The following CLASP1 variants were observed in gnomAD, a reference collection of about 807,000 sequenced individuals.
CLASP1 encodes the protein cytoplasmic linker associated protein 1.
CLASP1 carries 38 observed loss-of-function variants against 192.3 expected under a neutral mutation model. The ratio of observed to expected loss-of-function variants is 0.20; its 90% confidence interval spans 0.15 to 0.26. The LOEUF (loss-of-function observed/expected upper bound fraction) is 0.26, where lower values mean the gene tolerates loss of function less well. Among genes scored for constraint, CLASP1 ranks in the 10% least tolerant of loss-of-function variants. The pLI is 1.00. For synonymous variants in CLASP1, 691 were observed against 712.8 expected (o/e 0.97, Z 0.49); for missense variants, 1,433 against 1,932.5 (o/e 0.74, Z 4.85).
rs115937118 is a variant in CLASP1 at position 121,512,832 on chromosome 2, G to A, written c.644+2833C>T. Among the ~76,000 whole-genome samples the A allele has an allele frequency of 7.7e-4, 117 of 152,264 alleles. 2 individuals carry two copies. The highest frequency in any genetic ancestry group is 2.6e-3 in the African/African-American group (108 of 41,544). ...GTATTTCTTAGAGATATAATTAATCGTATTCTTCTCAACATACTCTCTTGG... is the reference window on the plus strand; with the variant it reads ...GTATTTCTTAGAGATATAATTAATCATATTCTTCTCAACATACTCTCTTGG... On this transcript the variant is annotated intron_variant, in intron 7 of 39. Coordinates refer to ENST00000263710, the Ensembl canonical transcript of CLASP1.
chr2:121,589,277 TAGAATCAAATGG>T lies in CLASP1; in HGVS notation c.195+16412_195+16423del, dbSNP rs1432268018. Among the ~76,000 whole-genome samples, 7 of 152,328 alleles carry T rather than the reference TAGAATCAAATGG, an allele frequency of 4.6e-5. No individual in the cohort carries two copies. The East Asian group carries it at 9.6e-4, about 21-fold the overall frequency. On this transcript the variant is annotated intron_variant, in intron 2 of 39. Coordinates refer to ENST00000263710, the Ensembl canonical transcript of CLASP1. ...TTGAAAAACATTCTTTAGTTTAGGC[TAGAATCAAATGG>T]AGAATCAAATAAGATCACACACTTA...
chr2:121,490,430 C>A, intron 8 of CLASP1: 2 of 266,678 alleles, frequency 7.5e-6, no homozygotes, highest in Non-Finnish European at 1.5e-5. Context: ...CACCCTATTC[C>A]AAAATAAAAG....
chr2:121,626,215 G>A (rs2068338809), intron 1 of CLASP1, among the ~76,000 whole-genome samples: 1 of 151,538 alleles, frequency 6.6e-6, no homozygotes, highest in Admixed American at 6.6e-5. Context: ...TGAAAAAAAA[G>A]AAAACTCTAT....
At chr2:121,625,928 G>A (rs1286890753) in intron 1 of CLASP1, among the ~76,000 whole-genome samples, 3 of 151,638 alleles carry the variant, frequency 2.0e-5, no homozygotes, top group South Asian at 2.1e-4. Flanking sequence ...GTGAAACCTC[G>A]TCTCTACTAA....
intron 1 of CLASP1, among the ~76,000 whole-genome samples, chr2:121,608,457 T>A (rs1294057512): frequency 6.6e-6 from 1 of 152,152 alleles, no homozygotes; most frequent in Non-Finnish European, 1.5e-5. Flanking sequence ...CCTCTTAGAA[T>A]GCTGCCCTGG....
At chr2:121,554,081 T>C (rs550523322) in intron 2 of CLASP1, among the ~76,000 whole-genome samples, 123 of 149,196 alleles carry the variant, frequency 8.2e-4, no homozygotes, top group Non-Finnish European at 1.6e-3. Context: ...ATGTGTGTGG[T>C]GGCGTGTGCC....
At chr2:121,356,704 C>T (rs553149781) in intron 37 of CLASP1, among the ~76,000 whole-genome samples, 1 of 152,294 alleles carries the variant, frequency 6.6e-6, no homozygotes, top group South Asian at 2.1e-4. Context: ...TTCCAGGAAG[C>T]TTTGAAGATC....
intron 1 of CLASP1, among the ~76,000 whole-genome samples, chr2:121,621,217 T>C (rs1417961453): frequency 6.6e-6 from 1 of 151,572 alleles, no homozygotes; most frequent in Non-Finnish European, 1.5e-5. Flanking sequence ...TGAGAACCTG[T>C]ATCAAAAAAA....
chr2:121,604,469 G>C (rs2064174199), intron 2 of CLASP1, among the ~76,000 whole-genome samples: 1 of 152,176 alleles, frequency 6.6e-6, no homozygotes, highest in Non-Finnish European at 1.5e-5. Flanking sequence ...AGGAGTTCAA[G>C]ACCAGCCCGG....
Position 121,398,360 on chromosome 2 carries a change from T to A in CLASP1, c.2941A>T (p.Arg981Ter), listed in dbSNP as rs2075629041. The A allele has an allele frequency of 6.3e-7, 1 of 1,599,226 alleles. No homozygotes were observed. The highest frequency in any genetic ancestry group is 1.7e-5 in the Admixed American group (1 of 58,236). Reference sequence around the variant, plus strand: ...GTTTGAGTTTGATCCACAATAAATCTCATCAAAATGTTAAATTGTTGATCA... The same window carrying A: ...GTTTGAGTTTGATCCACAATAAATCACATCAAAATGTTAAATTGTTGATCA... Residue 981 changes from arginine to a stop codon, truncating the protein, a stop_gained, in exon 29 of 40, where the codon AGA (arginine) becomes TGA (stop). Transcript: ENST00000263710. LOFTEE classifies it high-confidence loss of function.
chr2:121,478,739 ACCC>A (rs2092052065), intron 8 of CLASP1, among the ~76,000 whole-genome samples: 1 of 60,386 alleles, frequency 1.7e-5, no homozygotes, highest in Non-Finnish European at 3.3e-5. Context: ...CCACACACAC[ACCC>A]CACACACACC....
rs558863550 is a variant in CLASP1 at position 121,408,087 on chromosome 2, T to C, written c.2425-372A>G. 3.9e-5 allele frequency among the ~76,000 whole-genome samples: 6 copies of C among 152,320 alleles called. No individual in the cohort carries two copies. In the South Asian group the frequency reaches 1.2e-3, roughly 32 times the overall value. On this transcript the variant is annotated intron_variant, in intron 24 of 39. Coordinates refer to ENST00000263710, the Ensembl canonical transcript of CLASP1. ...AAGACAACAATAATTAAACCTATCA[T>C]ACAGGCTTGTTGTGAAGATTAAATG...
At chr2:121,543,013 A>C (rs1298037731) in intron 2 of CLASP1, among the ~76,000 whole-genome samples, 1 of 152,280 alleles carries the variant, frequency 6.6e-6, no homozygotes, top group African/African-American at 2.4e-5. Context: ...AGTAGCCACT[A>C]GCCGCATATG....
intron 19 of CLASP1, among the ~76,000 whole-genome samples, chr2:121,436,848 C>G (rs992065041): frequency 1.3e-5 from 2 of 152,208 alleles, no homozygotes; most frequent in African/African-American, 4.8e-5. Context: ...AACTTAACAA[C>G]TCTGTCATAT....
intron 34 of CLASP1, among the ~76,000 whole-genome samples, chr2:121,375,772 T>C (rs138788365): frequency 3.3e-4 from 50 of 152,304 alleles, no homozygotes; most frequent in Middle Eastern, 6.8e-3. Flanking sequence ...CACTGCACCA[T>C]GATCCTGTGC....
At chr2:121,531,552 C>G (rs9679440) in intron 2 of CLASP1, among the ~76,000 whole-genome samples, 1 of 145,082 alleles carries the variant, frequency 6.9e-6, no homozygotes, top group African/African-American at 2.6e-5. Flanking sequence ...GCAGAGATCG[C>G]GCCACTGCAC....
chr2:121,413,691 C>T (rs546889516), intron 23 of CLASP1, among the ~76,000 whole-genome samples: 9 of 152,074 alleles, frequency 5.9e-5, no homozygotes, highest in Non-Finnish European at 7.4e-5. Flanking sequence ...TAATTTGCAG[C>T]GCTGTTAACT....
intron 19 of CLASP1, chr2:121,444,898 G>A (rs369850213): frequency 1.8e-4 from 232 of 1,318,346 alleles, no homozygotes; most frequent in Non-Finnish European, 2.3e-4. Context: ...GAGGACCAGA[G>A]AAAGTGAGAC....
At chr2:121,612,431 AGGAGGAGGACTT>A (rs1441038641) in intron 1 of CLASP1, among the ~76,000 whole-genome samples, 1 of 151,480 alleles carries the variant, frequency 6.6e-6, no homozygotes, top group Non-Finnish European at 1.5e-5. Context: ...GAATTGAAAG[AGGAGGAGGACTT>A]GGAGGAGGAG....
Sources: gnomAD v4.1 joint callset for allele counts (sites outside exome capture counted in the v4.1 genomes callset) on GRCh38, gnomAD v4.1.1 for gene constraint, MANE v1.5 for transcripts, NCBI Gene and HGNC (gene_info 2026-07-23, HGNC 2026-07-21) for gene names.